Variants in MYH2 observed in about 807,000 individuals in gnomAD.
MYH2 encodes the protein myosin heavy chain 2.
MYH2 carries 139 observed loss-of-function variants against 228.1 expected under a neutral mutation model. That is an observed-to-expected ratio of 0.61 (90% CI 0.53 to 0.70). MYH2 has a LOEUF of 0.70. Among genes scored for constraint, MYH2 ranks in the 30% least tolerant of loss-of-function variants. The pLI is 0.00. For missense variants in MYH2, 1,809 were observed against 2,357.5 expected (o/e 0.77, Z 4.82); for synonymous variants, 796 against 871.1 (o/e 0.91, Z 1.52).
intron 25 of MYH2, 38 bp downstream of exon 25, chr17:10,529,297 TG>T (rs749789386): frequency 1.2e-6 from 2 of 1,613,978 alleles, no homozygotes; most frequent in African/African-American, 2.7e-5. Flanking sequence ...CCGTATCTAA[TG>T]TTGGAAGCAA....
chr17:10,531,985 A>G, intron 21 of MYH2, 97 bp from the exon 22 acceptor site: 1 of 1,480,700 alleles, frequency 6.8e-7, no homozygotes, highest in East Asian at 2.3e-5. Flanking sequence ...CCTTGTTCCT[A>G]CTCTGCTTTC....
intron 21 of MYH2, 69 bp from the exon 22 acceptor site, chr17:10,531,957 G>A: frequency 6.3e-7 from 1 of 1,584,276 alleles, no homozygotes; most frequent in Non-Finnish European, 8.7e-7. Flanking sequence ...GGCAGTGAGA[G>A]TTGGAGGTTC....
intron 4 of MYH2, among the ~76,000 whole-genome samples, chr17:10,545,705 C>A (rs551467925): frequency 2.7e-4 from 41 of 152,258 alleles, no homozygotes; most frequent in African/African-American, 9.4e-4. Flanking sequence ...GCTGGTACTA[C>A]AGGCATGCAT....
intron 12 of MYH2, 22 bp downstream of exon 12, chr17:10,539,906 A>G (rs1308841358): frequency 1.9e-6 from 3 of 1,613,932 alleles, no homozygotes; most frequent in Non-Finnish European, 2.5e-6. Context: ...ATGCAAAATC[A>G]TGGGAGTGAC....
chr17:10,527,690 C>T (rs572575722), intron 28 of MYH2, 58 bp downstream of exon 28: 25 of 1,611,800 alleles, frequency 1.6e-5, no homozygotes, highest in South Asian at 1.3e-4. Flanking sequence ...CAAATCAGTC[C>T]GTTGTTCTTA....
At chr17:10,523,012 G>A in intron 39 of MYH2, 78 bp downstream of exon 39, 1 of 1,046,072 alleles carries the variant, frequency 9.6e-7, no homozygotes, top group South Asian at 1.3e-5. Context: ...AGTCTTTAAA[G>A]CAAACAGCTT....
chr17:10,534,073 G>A (rs1303340503), intron 19 of MYH2, among the ~76,000 whole-genome samples: 1 of 152,196 alleles, frequency 6.6e-6, no homozygotes, highest in Non-Finnish European at 1.5e-5. Context: ...TGGATCTTGA[G>A]CCCTGGAATC....
At chr17:10,543,599 AG>A in intron 8 of MYH2, 111 bp downstream of exon 8, 1 of 1,472,520 alleles carries the variant, frequency 6.8e-7, no homozygotes, top group Non-Finnish European at 9.4e-7. Flanking sequence ...GGAAAAGGAA[AG>A]AACAATGATG....
chr17:10,546,269 A>ATATATATATATATATATATATATATG (rs1177097629), intron 4 of MYH2, among the ~76,000 whole-genome samples: 5 of 96,018 alleles, frequency 5.2e-5, no homozygotes. Context: ...ATATATATAT[A>ATATATATATATATATATATATATATG]TATATATATA....
At position 10,529,626 on chromosome 17, in the gene MYH2, C is replaced by A; in HGVS notation, c.3055G>T (p.Glu1019Ter). Residue 1019 changes from glutamate to a stop codon, truncating the protein, a stop_gained, in exon 24 of 40, where the codon GAG becomes TAG. Transcript: ENST00000245503. LOFTEE classifies it high-confidence loss of function. ...GTCAGGGTGTTGACTTTGTCCTCCT[C>A]TGCCTGCAGGTCATCCAGGGTCTGC... ...HQQTLDDLQA[E>*]EDKVNTLTKA... 1.2e-6 allele frequency: 2 copies of A among 1,614,126 alleles called. No homozygotes were observed. Among genetic ancestry groups the A allele is most frequent in the Non-Finnish European group, 1.7e-6 (2 of 1,180,044 alleles).
rs766339287 is a variant in MYH2 at position 10,537,644 on chromosome 17, T to C, written c.1587+21A>G. 6.2e-6 allele frequency: 10 copies of C among 1,614,230 alleles called. No homozygotes were observed. The East Asian group carries it at 2.0e-4, about 32-fold the overall frequency. ...ATAATATAGTTGCCGCAAAATATGG[T>C]TTCAGAAATGCAAAACCAACCTTCT... On this transcript the variant is annotated intron_variant, in intron 15 of 39. Transcript: ENST00000245503. The surrounding 1 kb of genome is among the most constrained non-coding windows in gnomAD (Gnocchi z 4.0).
chr17:10,542,996 T>C, intron 9 of MYH2, 23 bp from the exon 10 acceptor site: 1 of 1,599,270 alleles, frequency 6.3e-7, no homozygotes, highest in South Asian at 1.1e-5. Context: ...AAATAACACA[T>C]AAGAAAATTG....
intron 22 of MYH2, among the ~76,000 whole-genome samples, chr17:10,531,193 T>G (rs944832644): frequency 6.6e-6 from 1 of 152,130 alleles, no homozygotes; most frequent in Non-Finnish European, 1.5e-5. Context: ...TCAGTAAAAT[T>G]TGATGAGAGT....
chr17:10,524,069 T>G lies in MYH2; in HGVS notation c.5176-185A>C, dbSNP rs1377252647. Among the ~76,000 whole-genome samples, 1 of 152,232 alleles carries G rather than the reference T, an allele frequency of 6.6e-6. No homozygotes were observed. The highest frequency in any genetic ancestry group is 1.9e-4 in the East Asian group (1 of 5,200). The stretch of plus-strand genomic sequence containing the variant: ...TATAAATGTTATAGAATATTCAGCA[T>G]CTTCAAGTGTATAGGTCACAAGCAG... On this transcript the variant is annotated intron_variant, in intron 35 of 39. Transcript: ENST00000245503. The surrounding 1 kb of genome is among the most constrained non-coding windows in gnomAD (Gnocchi z 4.7).
At chr17:10,535,405 A>G in intron 17 of MYH2, 40 bp from the exon 18 acceptor site, 1 of 1,532,680 alleles carries the variant, frequency 6.5e-7, no homozygotes. Context: ...TAGGCTCTAG[A>G]CATGGATATG....
In MYH2 at chr17:10,539,311, T is replaced by C; in HGVS notation, c.1310A>G (p.Lys437Arg). The C allele has an allele frequency of 6.2e-7, 1 of 1,614,208 alleles. No homozygotes were observed. The highest frequency in any genetic ancestry group is 1.1e-5 in the South Asian group (1 of 91,084). The part of the protein sequence containing the change: ...VGALAKAVYE[K>R]MFLWMVARIN... ...GCGGGCAACCATCCACAGGAACATC[T>C]TCTCGTAGACGGCTTTGGCCAGAGC... The change falls in exon 14 of 40, where the codon AAG (lysine) becomes AGG (arginine). Residue 437 changes from lysine to arginine, a missense_variant. By Grantham distance (26) the Lys-to-Arg change is conservative. Transcript: ENST00000245503.
At chr17:10,532,815 T>C (rs2073440193) in intron 21 of MYH2, among the ~76,000 whole-genome samples, 1 of 152,212 alleles carries the variant, frequency 6.6e-6, no homozygotes, top group Non-Finnish European at 1.5e-5. Flanking sequence ...TTGTGTTAAC[T>C]TACTGCAAAA....
intron 30 of MYH2, among the ~76,000 whole-genome samples, 173 bp downstream of exon 30, chr17:10,526,426 G>T (rs578066044): frequency 1.3e-5 from 2 of 152,280 alleles, no homozygotes; most frequent in East Asian, 3.9e-4. Flanking sequence ...GGATCGTAAG[G>T]CAGGGACCAT....
In MYH2 at chr17:10,523,554, T is replaced by A; in HGVS notation, c.5414A>T (p.Glu1805Val). Residue 1805 changes from glutamate (E) to valine (V), a missense_variant, in exon 37 of 40, where the codon GAG becomes GTG. Around this residue, in one of 9 missense-constraint regions of MYH2, gnomAD observed 278 missense variants for 308.5 expected, o/e 0.90. Coordinates refer to ENST00000245503, the MANE Select transcript of MYH2 (RefSeq NM_017534.6). The part of the protein sequence containing the change: ...TVKDLQLRLD[E>V]AEQLALKGGK... ...ACCCTTCAGGGCCAGCTGCTCAGCCTCATCCAGACGGAGCTGCAGATCCTT... is the reference window on the plus strand; with the variant it reads ...ACCCTTCAGGGCCAGCTGCTCAGCCACATCCAGACGGAGCTGCAGATCCTT... The A allele has an allele frequency of 6.2e-7, 1 of 1,614,220 alleles. No homozygotes were observed. Among genetic ancestry groups the A allele is most frequent in the Non-Finnish European group, 8.5e-7 (1 of 1,180,036 alleles).
Sources: gnomAD v4.1 joint callset for allele counts (sites outside exome capture counted in the v4.1 genomes callset) on GRCh38, gnomAD v4.1.1 for gene constraint, gnomAD v4.1.1 regional missense constraint, Gnocchi (gnomAD v3.1) non-coding constraint, MANE v1.5 for transcripts, NCBI Gene and HGNC (gene_info 2026-07-23, HGNC 2026-07-21) for gene names.